SPAST: variants seen among roughly 807,000 people sequenced by gnomAD.
The protein encoded by SPAST is spastin, also known as spastic paraplegia 4 (autosomal dominant; spastin).
Under a neutral mutation model 76.6 loss-of-function variants are expected in SPAST, and 30 were observed. The ratio of observed to expected loss-of-function variants is 0.39; its 90% CI spans 0.29 to 0.53. The LOEUF (loss-of-function observed/expected upper bound fraction) is 0.53, where lower values mean the gene tolerates loss of function less well. Ranked by LOEUF, SPAST falls within the 20% of genes least tolerant of loss-of-function variation. SPAST has a pLI of 0.68. For missense variants in SPAST, 717 were observed against 770.5 expected (o/e 0.93, Z 0.82); for synonymous variants, 305 against 281.0 (o/e 1.09, Z -0.86).
At chr2:32,104,327 T>C (rs550512468) in intron 4 of SPAST, among the ~76,000 whole-genome samples, 2 of 152,280 alleles carry the variant, frequency 1.3e-5, no homozygotes, top group African/African-American at 2.4e-5. Flanking sequence ...CATCCCTTTA[T>C]TTTGAGCCTA....
intron 1 of SPAST, among the ~76,000 whole-genome samples, chr2:32,075,295 G>A (rs1169403950): frequency 6.6e-6 from 1 of 151,066 alleles, no homozygotes; most frequent in African/African-American, 2.4e-5. Context: ...GCGTGGTAGT[G>A]GGCGCCTGTA....
rs936382947 is a variant in SPAST, at chr2:32,157,257, C to G, written c.*2761C>G. The G allele has an allele frequency of 5.2e-5, 8 of 152,734 alleles. No homozygotes were observed. The highest frequency in any genetic ancestry group is 3.4e-3 in the Middle Eastern group (1 of 294). The allele number at this position is 152,734 out of a possible 1,614,324, so 9.5% of individuals were successfully genotyped here. A position where few individuals can be genotyped will look rare whatever the true frequency, so the allele number is the denominator to read the frequency against. Reference sequence around the variant, plus strand: ...AGCCAAGGGAAAGAATGAGTACTATCTTTCCAGATATCTTAAGGGTAAAAG... The same window carrying G: ...AGCCAAGGGAAAGAATGAGTACTATGTTTCCAGATATCTTAAGGGTAAAAG... On this transcript the variant is annotated 3_prime_UTR_variant, in exon 17 of 17. Transcript: ENST00000315285.
intron 1 of SPAST, among the ~76,000 whole-genome samples, chr2:32,071,738 TC>T (rs1364788626): frequency 1.3e-5 from 2 of 152,208 alleles, no homozygotes; most frequent in Non-Finnish European, 2.9e-5. Context: ...TTATCTAAAG[TC>T]CTGGAATCCA....
At chr2:32,138,425 T>C (rs1400915340) in intron 12 of SPAST, among the ~76,000 whole-genome samples, 1 of 152,204 alleles carries the variant, frequency 6.6e-6, no homozygotes, top group Non-Finnish European at 1.5e-5. Context: ...TTTGCATTTT[T>C]CTGATGGTTA....
chr2:32,072,497 G>C (rs1050901277), intron 1 of SPAST, among the ~76,000 whole-genome samples: 3 of 152,106 alleles, frequency 2.0e-5, no homozygotes, highest in Non-Finnish European at 4.4e-5. Context: ...AAAGGGAAGA[G>C]GGTATATGAG....
intron 1 of SPAST, among the ~76,000 whole-genome samples, chr2:32,067,014 T>G (rs993921738): frequency 1.3e-5 from 2 of 150,992 alleles, no homozygotes; most frequent in Non-Finnish European, 2.9e-5. Flanking sequence ...AAAACTGTTT[T>G]AATTGTTTTA....
At chr2:32,105,493 G>A (rs542692692) in intron 4 of SPAST, among the ~76,000 whole-genome samples, 21 of 152,204 alleles carry the variant, frequency 1.4e-4, no homozygotes, top group African/African-American at 3.1e-4. Flanking sequence ...GCTTTGTTCC[G>A]TTGCTGGTGA....
intron 1 of SPAST, among the ~76,000 whole-genome samples, chr2:32,074,178 C>T (rs1171588562): frequency 2.0e-5 from 3 of 152,022 alleles, no homozygotes; most frequent in Non-Finnish European, 1.5e-5. Context: ...CCAGGAGCTG[C>T]GAATAATTCT....
intron 7 of SPAST, among the ~76,000 whole-genome samples, chr2:32,118,096 A>G (rs1407412610): frequency 2.6e-5 from 4 of 152,216 alleles, no homozygotes; most frequent in African/African-American, 9.6e-5. Context: ...TCTGGGTCAC[A>G]GTTATTTCAC....
intron 4 of SPAST, 88 bp downstream of exon 4, chr2:32,098,979 T>C: frequency 1.1e-6 from 1 of 878,958 alleles, no homozygotes; most frequent in South Asian, 1.4e-5. Context: ...TTTGATTTTA[T>C]AATGGTAGGT....
At chr2:32,148,926 A>G (rs1034701855) in intron 16 of SPAST, among the ~76,000 whole-genome samples, 1 of 150,734 alleles carries the variant, frequency 6.6e-6, no homozygotes, top group Admixed American at 6.6e-5. Flanking sequence ...GTGAGCCAAG[A>G]TTGCCCCATT....
At chr2:32,093,716 A>G (rs1211699177) in intron 3 of SPAST, among the ~76,000 whole-genome samples, 1 of 152,208 alleles carries the variant, frequency 6.6e-6, no homozygotes, top group Non-Finnish European at 1.5e-5. Context: ...TAGTTACCGA[A>G]TAAATATTTG....
chr2:32,143,567 T>G, intron 14 of SPAST, 152 bp downstream of exon 14: 1 of 629,554 alleles, frequency 1.6e-6, no homozygotes, highest in Non-Finnish European at 2.8e-6. Flanking sequence ...TGCCTTTTTC[T>G]TACCTCTTGT....
At chr2:32,080,961 A>AT (rs796959491) in intron 1 of SPAST, among the ~76,000 whole-genome samples, 125 of 134,132 alleles carry the variant, frequency 9.3e-4, no homozygotes, top group South Asian at 1.2e-3. Context: ...CATCTGGCTA[A>AT]TTTTTTTTTT....
intron 1 of SPAST, among the ~76,000 whole-genome samples, chr2:32,083,923 C>T (rs937007485): frequency 2.0e-5 from 3 of 150,122 alleles, no homozygotes; most frequent in Non-Finnish European, 3.0e-5. Flanking sequence ...GGACTACAGA[C>T]ACATGCCACC....
intron 4 of SPAST, among the ~76,000 whole-genome samples, chr2:32,101,147 G>T (rs1573091968): frequency 6.6e-6 from 1 of 152,154 alleles, no homozygotes; most frequent in East Asian, 1.9e-4. Flanking sequence ...TTTAATGATC[G>T]CCATTCTAAC....
Position 32,098,870 on chromosome 2 carries a change from C to T in SPAST, c.661C>T (p.Arg221Cys), listed in dbSNP as rs371848866. 3.2e-5 allele frequency: 52 copies of T among 1,612,942 alleles called. No individual in the cohort carries two copies. Among genetic ancestry groups the T allele is most frequent in the African/African-American group, 2.8e-4 (21 of 74,824 alleles). Residue 221 changes from arginine (R) to cysteine (C), a missense_variant, in exon 4 of 17, where the codon CGC (arginine) becomes TGC (cysteine). This residue lies in a region of SPAST where 543 missense variants were observed against 445.2 expected (regional missense o/e 1.22). Coordinates refer to ENST00000315285, the MANE Select transcript of SPAST (RefSeq NM_014946.4). ...VYNDSTNLAC[R>C]NGHLQSESGA... ...TAATGACAGTACTAACTTGGCATGCCGCAATGGACATCTCCAGTCAGGTGG... is the reference window on the plus strand; with the variant it reads ...TAATGACAGTACTAACTTGGCATGCTGCAATGGACATCTCCAGTCAGGTGG...
intron 4 of SPAST, among the ~76,000 whole-genome samples, chr2:32,111,704 T>G (rs1678615383): frequency 6.6e-6 from 1 of 151,036 alleles, no homozygotes. Context: ...AAGACCTCCT[T>G]TAGTAGTTCT....
chr2:32,085,719 G>A lies in SPAST; in HGVS notation c.416-1773G>A, dbSNP rs77186024. ...AGTCATAAGGAGACGGCATTTCTTA[G>A]TCACTTTGTGTGGTGTTTATAATAA... is the stretch of plus-strand genomic sequence containing the variant. On this transcript the variant is annotated intron_variant, in intron 1 of 16. Coordinates refer to ENST00000315285, the MANE Select transcript of SPAST (RefSeq NM_014946.4). Among the ~76,000 whole-genome samples, 978 of 152,136 alleles carry A rather than the reference G, an allele frequency of 6.4e-3. 14 individuals carry two copies. The highest frequency in any genetic ancestry group is 0.023 in the African/African-American group (946 of 41,540).
Sources: gnomAD v4.1 joint callset for allele counts (sites outside exome capture counted in the v4.1 genomes callset) on GRCh38, gnomAD v4.1.1 for gene constraint, gnomAD v4.1.1 regional missense constraint, MANE v1.5 for transcripts, NCBI Gene and HGNC (gene_info 2026-07-23, HGNC 2026-07-21) for gene names.